Variants in SORCS1 observed in about 807,000 individuals in gnomAD.
SORCS1 encodes VPS10 domain-containing receptor SorCS1.
Under a neutral mutation model 146.1 loss-of-function variants are expected in SORCS1, and 60 were observed. The ratio of observed to expected loss-of-function variants is 0.41; its 90% confidence interval spans 0.33 to 0.51. The LOEUF (loss-of-function observed/expected upper bound fraction) is 0.51. Ranked by LOEUF, SORCS1 falls within the 20% of genes least tolerant of loss-of-function variation. The pLI, the probability that SORCS1 is intolerant of heterozygous loss-of-function variation, is 0.21. For synonymous variants in SORCS1, 637 were observed against 584.0 expected, an observed-to-expected ratio of 1.09 and a Z score of -1.31; for missense variants, 1,352 against 1,487.6, an observed-to-expected ratio of 0.91 and a Z score of 1.50.
intron 1 of SORCS1, among the ~76,000 whole-genome samples, chr10:107,110,841 T>C (rs1405083193): frequency 6.6e-6 from 1 of 152,144 alleles, no homozygotes; most frequent in Non-Finnish European, 1.5e-5. Context: ...GTAACAGGCC[T>C]GCTGTCTGCA....
intron 18 of SORCS1, among the ~76,000 whole-genome samples, chr10:106,643,628 C>T (rs1849216174): frequency 6.6e-6 from 1 of 152,228 alleles, no homozygotes; most frequent in Admixed American, 6.5e-5. Context: ...GCTGTTGAAG[C>T]TTTGCCCACT....
chr10:107,071,909 G>T (rs571029068), intron 1 of SORCS1, among the ~76,000 whole-genome samples: 109 of 152,312 alleles, frequency 7.2e-4, no homozygotes, highest in South Asian at 1.5e-3. Flanking sequence ...AGGGGAAAAT[G>T]GAAACAGGTT....
chr10:107,031,188 C>T (rs1589972612), intron 1 of SORCS1, among the ~76,000 whole-genome samples: 1 of 152,170 alleles, frequency 6.6e-6, no homozygotes, highest in Non-Finnish European at 1.5e-5. Context: ...GAACAATCTC[C>T]TTTTTTCTAA....
chr10:106,920,345 C>T (rs185872074), intron 2 of SORCS1, among the ~76,000 whole-genome samples: 2 of 152,328 alleles, frequency 1.3e-5, no homozygotes, highest in East Asian at 3.9e-4. Context: ...TGGATACAAA[C>T]TCTGGCAGGC....
intron 3 of SORCS1, among the ~76,000 whole-genome samples, chr10:106,811,053 C>T (rs2136786565): frequency 6.6e-6 from 1 of 151,914 alleles, no homozygotes; most frequent in African/African-American, 2.4e-5. Flanking sequence ...CAATTCTCTG[C>T]CTCAGCCTCC....
intron 3 of SORCS1, among the ~76,000 whole-genome samples, chr10:106,790,120 C>A (rs1293579012): frequency 6.6e-6 from 1 of 152,160 alleles, no homozygotes; most frequent in African/African-American, 2.4e-5. Flanking sequence ...GGACACAAAG[C>A]CTAACCACAT....
At chr10:107,127,296 T>A (rs755012553) in intron 1 of SORCS1, among the ~76,000 whole-genome samples, 1 of 152,054 alleles carries the variant, frequency 6.6e-6, no homozygotes, top group East Asian at 1.9e-4. Context: ...GCACTTCTGC[T>A]TGAATATAGC....
chr10:106,688,430 T>C, intron 9 of SORCS1, 92 bp from the exon 10 acceptor site: 2 of 1,444,154 alleles, frequency 1.4e-6, no homozygotes, highest in South Asian at 1.4e-5. Context: ...CAAAGTCAGC[T>C]GAGAGCACTT....
At chr10:107,013,590 A>G (rs1400306528) in intron 1 of SORCS1, among the ~76,000 whole-genome samples, 3 of 152,098 alleles carry the variant, frequency 2.0e-5, no homozygotes, top group Non-Finnish European at 4.4e-5. Context: ...GTATTTACAC[A>G]TTGTAATTAA....
At chr10:106,917,184 A>C (rs1952486943) in intron 2 of SORCS1, among the ~76,000 whole-genome samples, 1 of 152,184 alleles carries the variant, frequency 6.6e-6, no homozygotes, top group Admixed American at 6.5e-5. Flanking sequence ...GGGCAGCTCT[A>C]ATTTTCCATT....
chr10:106,849,787 T>C (rs969645261), intron 2 of SORCS1, among the ~76,000 whole-genome samples: 25 of 151,550 alleles, frequency 1.6e-4, no homozygotes, highest in Admixed American at 2.6e-4. Flanking sequence ...TTTCTGTTTG[T>C]TAGTTTTCCT....
intron 1 of SORCS1, among the ~76,000 whole-genome samples, chr10:107,032,414 T>TG (rs1164557294): frequency 6.6e-6 from 1 of 152,182 alleles, no homozygotes; most frequent in Admixed American, 6.5e-5. Flanking sequence ...CTTACCTGCA[T>TG]TTTTTTCCTT....
chr10:106,652,350 G>C (rs775158176), intron 18 of SORCS1, 32 bp downstream of exon 18: 3 of 1,528,822 alleles, frequency 2.0e-6, no homozygotes, highest in Non-Finnish European at 8.9e-7. Context: ...ACTGGCCCTA[G>C]AAAGTAGGGG....
At chr10:106,679,842 A>C (rs1852304464) in intron 10 of SORCS1, 108 bp from the exon 11 acceptor site, 2 of 800,070 alleles carry the variant, frequency 2.5e-6, no homozygotes, top group Non-Finnish European at 4.1e-6. Flanking sequence ...TTTACCATAC[A>C]TCCATGCACC....
Position 106,822,782 on chromosome 10 carries a change from G to GTTTTTTTTTTTTTTTTTTTTTTTTTT in SORCS1, c.726+6791_726+6792insAAAAAAAAAAAAAAAAAAAAAAAAAA, listed in dbSNP as rs1158921880. ...CACTATGTCTCTGAATTCATGTGTG[G>GTTTTTTTTTTTTTTTTTTTTTTTTTT]TTTTTTTTTTTTTTTTTTTTGAATA... On this transcript the variant is annotated intron_variant, in intron 3 of 25. Transcript: ENST00000263054. Among the ~76,000 whole-genome samples the GTTTTTTTTTTTTTTTTTTTTTTTTTT allele has an allele frequency of 9.7e-5, 11 of 113,168 alleles. 1 individual carries two copies. Among genetic ancestry groups the GTTTTTTTTTTTTTTTTTTTTTTTTTT allele is most frequent in the East Asian group, 2.8e-4 (1 of 3,554 alleles). 74.2% of individuals were successfully genotyped at this position (113,168 alleles called of 152,430 possible). A position where few individuals can be genotyped will look rare whatever the true frequency, so the allele number is the denominator to read the frequency against.
chr10:107,169,975 C>T, the SORCS1 span, among the ~76,000 whole-genome samples: 1 of 152,020 alleles, frequency 6.6e-6, no homozygotes, highest in African/African-American at 2.4e-5. Context: ...TGTAAACTCA[C>T]ATATGCATAT....
intron 1 of SORCS1, among the ~76,000 whole-genome samples, chr10:107,029,529 A>G (rs898304983): frequency 9.8e-5 from 15 of 152,294 alleles, no homozygotes; most frequent in Admixed American, 6.5e-4. Context: ...CCTCCCTTCC[A>G]GCAAAATCCT....
intron 2 of SORCS1, among the ~76,000 whole-genome samples, chr10:106,855,105 T>C (rs1264329942): frequency 6.6e-6 from 1 of 152,138 alleles, no homozygotes; most frequent in Non-Finnish European, 1.5e-5. Context: ...AGTCTTTATC[T>C]CTCCTTCACT....
intron 4 of SORCS1, among the ~76,000 whole-genome samples, chr10:106,763,710 G>A (rs943800514): frequency 6.6e-5 from 10 of 152,022 alleles, no homozygotes; most frequent in Admixed American, 2.0e-4. Context: ...GATTCCTACC[G>A]GTCTCATCTC....
Sources: gnomAD v4.1 joint callset for allele counts (sites outside exome capture counted in the v4.1 genomes callset) on GRCh38, gnomAD v4.1.1 for gene constraint, MANE v1.5 for transcripts, NCBI Gene and HGNC (gene_info 2026-07-23, HGNC 2026-07-21) for gene names.